The following SPATA13 variants were observed in gnomAD, a reference collection of about 807,000 sequenced individuals.
SPATA13 encodes spermatogenesis-associated protein 13.
In SPATA13, 50 loss-of-function variants were observed where a neutral mutation model predicts 104.0. The observed-to-expected ratio is 0.48, with a 90% CI of 0.38 to 0.61. The LOEUF (loss-of-function observed/expected upper bound fraction) is 0.61. SPATA13 is among the 20% of genes least tolerant of loss of function. The pLI is 0.00. For synonymous variants in SPATA13, 606 were observed against 667.5 expected, an observed-to-expected ratio of 0.91 and a Z score of 1.42; for missense variants, 1,524 against 1,690.6, an observed-to-expected ratio of 0.90 and a Z score of 1.73.
intron 3 of SPATA13, among the ~76,000 whole-genome samples, chr13:24,096,649 A>T (rs1027169055): frequency 2.0e-5 from 3 of 152,152 alleles, no homozygotes; most frequent in Non-Finnish European, 4.4e-5. Context: ...AGCCATAGAA[A>T]GCCACTAGGA....
chr13:23,992,109 T>A (rs1025263197), intron 2 of SPATA13, among the ~76,000 whole-genome samples: 1 of 152,162 alleles, frequency 6.6e-6, no homozygotes, highest in Non-Finnish European at 1.5e-5. Context: ...GCAGTGAGAT[T>A]TCTGAGATCC....
Position 24,224,367 on chromosome 13 carries a change from C to T in SPATA13, c.1438C>T (p.Pro480Ser). 1 of 1,551,712 alleles carries T rather than the reference C, an allele frequency of 6.4e-7. No individual in the cohort carries two copies. The highest frequency in any genetic ancestry group is 8.7e-7 in the Non-Finnish European group (1 of 1,147,000). Residue 480 changes from proline (P) to serine (S), a missense_variant, in exon 2 of 13, where the codon CCC becomes TCC. Pro to Ser is a moderately conservative substitution (Grantham distance 74). Transcript: ENST00000382108. Reference protein sequence around the residue: ...KPQSPQSPQSPGAGSASCHSN... With the variant: ...KPQSPQSPQSSGAGSASCHSN... ...CCAGAGCCCTCAGAGCCCCCAGAGC[C>T]CCGGGGCAGGAAGTGCCAGCTGTCA...
intron 2 of SPATA13, among the ~76,000 whole-genome samples, chr13:24,003,189 A>G (rs1034002074): frequency 1.3e-5 from 2 of 151,994 alleles, no homozygotes; most frequent in African/African-American, 2.4e-5. Context: ...GTGTGTGTGT[A>G]TGGATGCTTA....
intron 1 of SPATA13, among the ~76,000 whole-genome samples, chr13:24,209,549 TC>T (rs1160199596): frequency 6.6e-6 from 1 of 152,188 alleles, no homozygotes; most frequent in African/African-American, 2.4e-5. Context: ...CTCATTTCAC[TC>T]AGCATAATAT....
At chr13:24,202,563 G>C (rs1593413545) in intron 1 of SPATA13, among the ~76,000 whole-genome samples, 1 of 126,650 alleles carries the variant, frequency 7.9e-6, no homozygotes, top group East Asian at 2.3e-4. Flanking sequence ...TGTACTTTAA[G>C]GTACAATATT....
intron 9 of SPATA13, among the ~76,000 whole-genome samples, chr13:24,292,995 CAAAAAAA>C (rs34221097): frequency 5.0e-4 from 12 of 23,932 alleles, no homozygotes; most frequent in African/African-American, 1.8e-3. Context: ...GACTTTGTCT[CAAAAAAA>C]AAAAAAAAAA....
intron 1 of SPATA13, among the ~76,000 whole-genome samples, chr13:24,209,731 G>A (rs1048955672): frequency 6.6e-6 from 1 of 152,070 alleles, no homozygotes; most frequent in Non-Finnish European, 1.5e-5. Flanking sequence ...TGAACAAGGG[G>A]GTGTAGACGT....
chr13:24,217,301 T>C (rs1397717298), intron 1 of SPATA13, among the ~76,000 whole-genome samples: 3 of 152,164 alleles, frequency 2.0e-5, no homozygotes, highest in South Asian at 2.1e-4. Context: ...TTTTCAGCAC[T>C]CTCTCTCTTT....
chr13:24,122,633 G>T, intron 3 of SPATA13: 1 of 1,291,676 alleles, frequency 7.7e-7, no homozygotes, highest in Non-Finnish European at 1.1e-6. Context: ...GAACCTTTTT[G>T]CACATACTGT....
At chr13:24,158,908 T>C (rs1351049277), upstream of SPATA13, among the ~76,000 whole-genome samples, 1 of 152,154 alleles carries the variant, frequency 6.6e-6, no homozygotes, top group African/African-American at 2.4e-5. Context: ...TCCACAGAAA[T>C]CCATTCATCT....
rs562038716 is a variant in SPATA13, at chr13:24,270,574, T to C, written c.2165-13561T>C. 356 of 511,946 alleles carry C rather than the reference T, an allele frequency of 7.0e-4. 2 individuals carry two copies. Among genetic ancestry groups the C allele is most frequent in the African/African-American group, 5.1e-3 (273 of 53,088 alleles). The allele number at this position is 511,946 out of a possible 1,614,324, so 31.7% of individuals were successfully genotyped here. On this transcript the variant is annotated intron_variant, in intron 4 of 12. Coordinates refer to ENST00000382108, the MANE Select transcript of SPATA13 (RefSeq NM_001166271.3). ...CAGCACCTGATGGCTTGTGAGTGTG[T>C]TTGTCTTTGGTGTATATAGGTTTTG...
intron 1 of SPATA13, among the ~76,000 whole-genome samples, chr13:24,221,193 C>T (rs935120941): frequency 2.0e-5 from 3 of 152,138 alleles, no homozygotes; most frequent in African/African-American, 4.8e-5. Flanking sequence ...GCAGGACTCC[C>T]AGGCAAATGA....
At chr13:24,272,312 C>T (rs1279681860) in intron 4 of SPATA13, among the ~76,000 whole-genome samples, 5 of 152,204 alleles carry the variant, frequency 3.3e-5, no homozygotes, top group African/African-American at 1.2e-4. Flanking sequence ...AAACAGCATG[C>T]CAGAATCTGC....
intron 4 of SPATA13, among the ~76,000 whole-genome samples, chr13:24,267,116 C>G (rs549948299): frequency 8.5e-5 from 13 of 152,222 alleles, no homozygotes; most frequent in African/African-American, 2.9e-4. Context: ...GTGGCTTCTT[C>G]CAAAACTATC....
At chr13:24,147,085 G>A (rs1056686657) in intron 3 of SPATA13, among the ~76,000 whole-genome samples, 7 of 152,022 alleles carry the variant, frequency 4.6e-5, no homozygotes, top group African/African-American at 1.7e-4. Context: ...AGCATGCATT[G>A]GATGGAAGAT....
intron 3 of SPATA13, among the ~76,000 whole-genome samples, chr13:24,135,338 T>G (rs1397596235): frequency 1.3e-5 from 2 of 152,194 alleles, no homozygotes; most frequent in Admixed American, 6.5e-5. Context: ...CTGGGTATCC[T>G]CTAAAATCAT....
chr13:24,188,233 C>T (rs548205519), intron 1 of SPATA13, among the ~76,000 whole-genome samples: 5 of 151,836 alleles, frequency 3.3e-5, no homozygotes, highest in Admixed American at 6.6e-5. Flanking sequence ...CCCAGCTACT[C>T]GGGAGGCTGA....
At chr13:24,284,043 C>A in intron 4 of SPATA13, 92 bp from the exon 5 acceptor site, 3 of 1,328,264 alleles carry the variant, frequency 2.3e-6, no homozygotes, top group Non-Finnish European at 3.1e-6. Context: ...TGATTACCTT[C>A]CCTTGGGAGT....
intron 1 of SPATA13, among the ~76,000 whole-genome samples, chr13:24,180,052 C>A (rs1271685871): frequency 6.6e-6 from 1 of 152,078 alleles, no homozygotes; most frequent in Admixed American, 6.6e-5. Context: ...TGGCTGTGCT[C>A]ATAGTGTTGT....
Sources: allele counts gnomAD v4.1 joint callset (sites outside exome capture counted in the v4.1 genomes callset), GRCh38; gene constraint gnomAD v4.1.1; transcripts MANE v1.5; gene names NCBI Gene and HGNC (gene_info 2026-07-23, HGNC 2026-07-21).